MRS2: variants seen among roughly 807,000 people sequenced by gnomAD.
MRS2 encodes the protein magnesium transporter MRS2.
Under a neutral mutation model 52.6 loss-of-function variants are expected in MRS2, and 40 were observed. The observed-to-expected ratio is 0.76, with a 90% confidence interval of 0.59 to 0.99. The LOEUF is 0.99. Among genes scored for constraint, MRS2 ranks in the 50% least tolerant of loss-of-function variants. MRS2 has a pLI of 0.00. For missense variants in MRS2, 472 were observed against 532.7 expected (o/e 0.89, Z 1.12); for synonymous variants, 193 against 195.9 (o/e 0.98, Z 0.13).
intron 5 of MRS2, among the ~76,000 whole-genome samples, chr6:24,414,081 TAGC>T: frequency 6.6e-6 from 1 of 152,046 alleles, no homozygotes. Flanking sequence ...GTTTTAATAA[TAGC>T]AGATTTTATT....
intron 4 of MRS2, among the ~76,000 whole-genome samples, chr6:24,411,845 G>C (rs1257484651): frequency 1.3e-5 from 2 of 150,050 alleles, no homozygotes; most frequent in South Asian, 4.2e-4. Context: ...CTTTCTGGGG[G>C]TATTTTTTGG....
chr6:24,421,354 A>C (rs142310124), intron 9 of MRS2, among the ~76,000 whole-genome samples: 1,738 of 152,330 alleles, frequency 0.011, 16 homozygotes, highest in South Asian at 0.047. Flanking sequence ...AAAAGATTCA[A>C]ATTAATGTCT....
At chr6:24,409,866 A>G (rs1461409739) in intron 4 of MRS2, among the ~76,000 whole-genome samples, 2 of 152,246 alleles carry the variant, frequency 1.3e-5, no homozygotes, top group South Asian at 2.1e-4. Context: ...CTATAAGACA[A>G]TCCTGATTTA....
chr6:24,424,863 G>A lies in MRS2; in HGVS notation c.*1169G>A, dbSNP rs1303671788. On this transcript the variant is annotated 3_prime_UTR_variant, in exon 11 of 11. Coordinates refer to ENST00000378386, the MANE Select transcript of MRS2 (RefSeq NM_020662.4). The stretch of plus-strand genomic sequence containing the variant: ...AGGAAGTTTAGGAGTCCATTTTTCA[G>A]GTGGTTTGGTGATAGGAATAAAAAT... The A allele has an allele frequency of 6.6e-6, 1 of 152,154 alleles. No homozygotes were observed. Among genetic ancestry groups the A allele is most frequent in the African/African-American group, 2.4e-5 (1 of 41,434 alleles). The allele number at this position is 152,154 out of a possible 1,614,324, so 9.4% of individuals were successfully genotyped here.
intron 4 of MRS2, among the ~76,000 whole-genome samples, chr6:24,410,380 G>C (rs1433908711): frequency 6.6e-6 from 1 of 152,190 alleles, no homozygotes; most frequent in Non-Finnish European, 1.5e-5. Flanking sequence ...TAGTGATTCA[G>C]AGTTAATGTG....
intron 1 of MRS2, among the ~76,000 whole-genome samples, chr6:24,404,777 T>C (rs1335409735): frequency 6.6e-6 from 1 of 152,258 alleles, no homozygotes; most frequent in Admixed American, 6.5e-5. Flanking sequence ...TTCTAAAATG[T>C]ATCTACTACC....
chr6:24,410,959 G>C (rs1026134032), intron 4 of MRS2, among the ~76,000 whole-genome samples: 1 of 152,000 alleles, frequency 6.6e-6, no homozygotes, highest in Non-Finnish European at 1.5e-5. Flanking sequence ...GAGGCCGAGA[G>C]GGGTGGATCA....
At chr6:24,406,370 A>G (rs1162985814) in intron 2 of MRS2, among the ~76,000 whole-genome samples, 1 of 151,858 alleles carries the variant, frequency 6.6e-6, no homozygotes, top group Admixed American at 6.6e-5. Flanking sequence ...GCTTGTTAAC[A>G]TAAGAGCTTT....
At chr6:24,416,574 C>T (rs1253569601) in intron 7 of MRS2, 61 bp downstream of exon 7, 3 of 881,944 alleles carry the variant, frequency 3.4e-6, no homozygotes, top group East Asian at 4.9e-5. Context: ...GCCTTTTCCA[C>T]TTCAAGGTGA....
At chr6:24,418,977 C>T (rs914549671) in intron 9 of MRS2, 6 of 162,150 alleles carry the variant, frequency 3.7e-5, no homozygotes, top group Non-Finnish European at 1.3e-5. Flanking sequence ...TGGCTCAACG[C>T]CTGTAATCCC....
rs375270603 is a variant in MRS2, at chr6:24,405,242, G to T, written c.264+1G>T. The T allele has an allele frequency of 3.1e-6, 5 of 1,609,272 alleles. No homozygotes were observed. The African/African-American group carries it at 5.3e-5, about 17-fold the overall frequency. Reference sequence around the variant, plus strand: ...CAGTGTAGCCCCAGTATTTACTGTGGTGAGTATGTACAGTACATTGGAAAT... The same window carrying T: ...CAGTGTAGCCCCAGTATTTACTGTGTTGAGTATGTACAGTACATTGGAAAT... On this transcript the variant is annotated splice_donor_variant, in intron 2 of 10. Coordinates refer to ENST00000378386, the MANE Select transcript of MRS2 (RefSeq NM_020662.4). LOFTEE classifies it high-confidence loss of function.
chr6:24,408,651 C>T (rs1021069101), intron 3 of MRS2, among the ~76,000 whole-genome samples: 1 of 152,206 alleles, frequency 6.6e-6, no homozygotes, highest in Non-Finnish European at 1.5e-5. Flanking sequence ...TTTCTTCTAG[C>T]AGGAGCCACT....
rs769391110 is a variant in MRS2 at position 24,423,692 on chromosome 6, T to C, written c.1330T>C (p.Ter444GlnextTer7). Reference sequence around the variant, plus strand: ...AGGAAGGAGCATCCTAACAAACCGTTAGGAACAGCCCCGTGGATACTGAAG... The same window carrying C: ...AGGAAGGAGCATCCTAACAAACCGTCAGGAACAGCCCCGTGGATACTGAAG... Reference protein sequence around the residue: ...GSGRSILTNR* With the variant: ...GSGRSILTNRQ The change falls in exon 11 of 11, where the codon TAG becomes CAG. Residue 444 changes from the stop codon to glutamine, a stop_lost. Transcript: ENST00000378386. 6.3e-7 allele frequency: 1 copy of C among 1,577,718 alleles called. No individual in the cohort carries two copies. The highest frequency in any genetic ancestry group is 1.7e-5 in the Admixed American group (1 of 59,224).
Position 24,408,439 on chromosome 6 carries a change from C to G in MRS2, c.296C>G (p.Ser99Cys). 6.3e-7 allele frequency: 1 copy of G among 1,581,304 alleles called. No individual in the cohort carries two copies. Among genetic ancestry groups the G allele is most frequent in the Non-Finnish European group, 8.7e-7 (1 of 1,151,650 alleles). The change falls in exon 3 of 11, where the codon TCT becomes TGT. Residue 99 changes from serine (S) to cysteine (C), a missense_variant. Transcript: ENST00000378386. ...TKFDKQGNVT[S>C]FERKKTELYQ... ...TTTGACAAACAGGGAAACGTTACTTCTTTTGGTGAGTGATTAGCATTCTAA... is the reference window on the plus strand; with the variant it reads ...TTTGACAAACAGGGAAACGTTACTTGTTTTGGTGAGTGATTAGCATTCTAA...
chr6:24,411,664 A>G (rs997314233), intron 4 of MRS2, among the ~76,000 whole-genome samples: 1 of 152,096 alleles, frequency 6.6e-6, no homozygotes, highest in Non-Finnish European at 1.5e-5. Context: ...TCAGCCTCTG[A>G]AGTAGCTGGG....
At chr6:24,408,559 A>C (rs889735653) in intron 3 of MRS2, 115 bp downstream of exon 3, 9 of 730,822 alleles carry the variant, frequency 1.2e-5, no homozygotes, top group Non-Finnish European at 2.1e-5. Flanking sequence ...GGTGTGTTGA[A>C]AGAGATCTTT....
chr6:24,412,766 C>CT (rs1484088399), intron 5 of MRS2, among the ~76,000 whole-genome samples: 1 of 152,170 alleles, frequency 6.6e-6, no homozygotes, highest in Non-Finnish European at 1.5e-5. Context: ...GTGACTCCTC[C>CT]TTTAAATTAA....
chr6:24,419,063 C>G (rs112677529), intron 9 of MRS2: 3,042 of 155,110 alleles, frequency 0.02, 82 homozygotes, highest in African/African-American at 0.066. Context: ...CGGTGAAACC[C>G]TGTCTCTACT....
rs776586777 is a variant in MRS2, at chr6:24,426,112, C to T, written c.*2418C>T. On this transcript the variant is annotated 3_prime_UTR_variant, in exon 11 of 11. Transcript: ENST00000378386. ...GCCTTGAGAAAAGCTGTTACATATA[C>T]GCAGATAGTAGCAAGACAGAAAATG... 3.9e-4 allele frequency: 59 copies of T among 152,084 alleles called. 1 individual carries two copies. Among genetic ancestry groups the T allele is most frequent in the Admixed American group, 2.0e-4 (3 of 15,280 alleles). 9.4% of individuals were successfully genotyped at this position (152,084 alleles called of 1,614,324 possible).
Sources: gnomAD v4.1 joint callset for allele counts (sites outside exome capture counted in the v4.1 genomes callset) on GRCh38, gnomAD v4.1.1 for gene constraint, MANE v1.5 for transcripts, NCBI Gene and HGNC (gene_info 2026-07-23, HGNC 2026-07-21) for gene names.